COL26A1: variants seen among roughly 807,000 people sequenced by gnomAD.
COL26A1 encodes collagen type XXVI alpha 1 chain.
In COL26A1, 41 loss-of-function variants were observed where a neutral mutation model predicts 59.3. The ratio of observed to expected loss-of-function variants is 0.69; its 90% CI spans 0.54 to 0.90. The LOEUF is 0.90. Among genes scored for constraint, COL26A1 ranks in the 40% least tolerant of loss-of-function variants. The pLI, the probability that COL26A1 is intolerant of heterozygous loss-of-function variation, is 0.00. For missense variants in COL26A1, 612 were observed against 602.3 expected (o/e 1.02, Z -0.17); for synonymous variants, 266 against 256.0 (o/e 1.04, Z -0.37).
intron 3 of COL26A1, among the ~76,000 whole-genome samples, chr7:101,450,197 G>A (rs1478643272): frequency 3.9e-5 from 6 of 151,962 alleles, no homozygotes; most frequent in East Asian, 1.9e-4. Context: ...GCACAGGAGA[G>A]TTTCATGTAT....
intron 4 of COL26A1, among the ~76,000 whole-genome samples, chr7:101,533,857 T>C (rs1166263309): frequency 6.6e-6 from 1 of 152,214 alleles, no homozygotes; most frequent in Non-Finnish European, 1.5e-5. Flanking sequence ...TACCCGAGGG[T>C]ACCTCTGTCT....
chr7:101,555,902 A>C, intron 12 of COL26A1, 31 bp downstream of exon 12: 1 of 1,552,406 alleles, frequency 6.4e-7, no homozygotes, highest in African/African-American at 1.4e-5. Context: ...GCGGGCTGGG[A>C]ATCTCTCTCC....
chr7:101,436,694 G>A (rs1792923640), intron 2 of COL26A1, among the ~76,000 whole-genome samples: 1 of 151,386 alleles, frequency 6.6e-6, no homozygotes, highest in African/African-American at 2.4e-5. Context: ...TCATTTCTCC[G>A]GGGAGCCCTC....
intron 3 of COL26A1, among the ~76,000 whole-genome samples, chr7:101,475,097 G>A (rs748694950): frequency 2.0e-5 from 3 of 150,922 alleles, no homozygotes; most frequent in Non-Finnish European, 4.4e-5. Flanking sequence ...TCGGGAGGCT[G>A]AGGCAGGAGA....
chr7:101,471,567 G>GTTGTTTTTTTTTTT (rs1485332913), intron 3 of COL26A1, among the ~76,000 whole-genome samples: 8 of 112,386 alleles, frequency 7.1e-5, no homozygotes, highest in African/African-American at 2.8e-4. Context: ...TGTTGTTGTT[G>GTTGTTTTTTTTTTT]TTTGTTTTTT....
At chr7:101,397,787 C>G (rs567622068) in intron 1 of COL26A1, among the ~76,000 whole-genome samples, 15 of 152,158 alleles carry the variant, frequency 9.9e-5, no homozygotes, top group African/African-American at 3.6e-4. Flanking sequence ...GTCTTCCCAC[C>G]TCAGCCCCCC....
At chr7:101,445,034 T>G (rs997949731) in intron 2 of COL26A1, among the ~76,000 whole-genome samples, 4 of 150,808 alleles carry the variant, frequency 2.7e-5, no homozygotes, top group Admixed American at 6.6e-5. Context: ...AGAGACAGGG[T>G]TTCACCATGT....
rs969774232 is a variant in COL26A1, at chr7:101,421,717, A to G, written c.281+1618A>G. On this transcript the variant is annotated intron_variant, in intron 2 of 12. Coordinates refer to ENST00000313669, the MANE Select transcript of COL26A1 (RefSeq NM_001278563.3). The stretch of plus-strand genomic sequence containing the variant: ...TGTTAACTTTGATCGCTTGCTTATG[A>G]TGGTATCTACCAGGTTTCTCCACTG... 4.0e-5 allele frequency among the ~76,000 whole-genome samples: 6 copies of G among 151,404 alleles called. No individual in the cohort carries two copies. The South Asian group carries it at 1.3e-3, about 32-fold the overall frequency.
chr7:101,493,579 G>T (rs34942414), intron 3 of COL26A1, among the ~76,000 whole-genome samples: 1 of 151,994 alleles, frequency 6.6e-6, no homozygotes, highest in African/African-American at 2.4e-5. Context: ...AATGAGCTAT[G>T]AGGATTATCA....
Position 101,518,459 on chromosome 7 carries a change from T to A in COL26A1, c.386-14623T>A, listed in dbSNP as rs146466315. 2.1e-3 allele frequency among the ~76,000 whole-genome samples: 324 copies of A among 152,270 alleles called. 3 individuals are homozygous for A. The highest frequency in any genetic ancestry group is 7.2e-3 in the African/African-American group (298 of 41,560). ...ATTAAGACAAATTCTTTCCCAGTGA[T>A]GAAGAGCAATGGCAGCGCCAACTCC... On this transcript the variant is annotated intron_variant, in intron 3 of 12. Transcript: ENST00000313669.
chr7:101,380,316 A>G (rs10264506), intron 1 of COL26A1, among the ~76,000 whole-genome samples: 8,249 of 140,836 alleles, frequency 0.059, 555 homozygotes, highest in African/African-American at 0.16. Flanking sequence ...TTTTTTTTGA[A>G]ACAGAGTCTC....
intron 1 of COL26A1, among the ~76,000 whole-genome samples, chr7:101,418,151 C>T (rs1381287105): frequency 1.9e-4 from 29 of 152,102 alleles, no homozygotes; most frequent in Admixed American, 1.9e-3. Context: ...GAGTGTGAGC[C>T]ACCGCACTCA....
At chr7:101,391,534 T>C (rs942992236) in intron 1 of COL26A1, among the ~76,000 whole-genome samples, 4 of 152,172 alleles carry the variant, frequency 2.6e-5, no homozygotes, top group Non-Finnish European at 5.9e-5. Flanking sequence ...GAAGGAGACA[T>C]TGATCTCTGC....
At chr7:101,525,983 C>T (rs1185453122) in intron 3 of COL26A1, among the ~76,000 whole-genome samples, 1 of 152,172 alleles carries the variant, frequency 6.6e-6, no homozygotes, top group Non-Finnish European at 1.5e-5. Flanking sequence ...GGCCATGCTG[C>T]CCTCCTATTG....
intron 8 of COL26A1, 131 bp downstream of exon 8, chr7:101,547,370 C>G: frequency 3.6e-6 from 2 of 557,652 alleles, no homozygotes; most frequent in Non-Finnish European, 3.2e-6. Context: ...GGGACTGGGT[C>G]TGTCCCACCC....
intron 1 of COL26A1, among the ~76,000 whole-genome samples, chr7:101,416,739 A>AT (rs1382039437): frequency 1.4e-5 from 2 of 141,208 alleles, no homozygotes; most frequent in East Asian, 1.9e-4. Flanking sequence ...TTTTAATTTC[A>AT]TTTTTTTTGT....
chr7:101,541,805 C>T (rs1192629097), intron 5 of COL26A1, among the ~76,000 whole-genome samples: 1 of 152,140 alleles, frequency 6.6e-6, no homozygotes, highest in African/African-American at 2.4e-5. Flanking sequence ...GGTTGCCAGA[C>T]ACTGAGGTGG....
intron 4 of COL26A1, among the ~76,000 whole-genome samples, chr7:101,534,645 A>C (rs965628577): frequency 4.4e-5 from 5 of 114,144 alleles, no homozygotes; most frequent in African/African-American, 2.3e-4. Context: ...CAATGGGCAC[A>C]CATACATATA....
chr7:101,512,097 G>T (rs537910132), intron 3 of COL26A1, among the ~76,000 whole-genome samples: 3 of 152,340 alleles, frequency 2.0e-5, no homozygotes, highest in East Asian at 3.9e-4. Flanking sequence ...GAAGCAGAGG[G>T]TTTCGCTGCT....
Sources: gnomAD v4.1 joint callset for allele counts (sites outside exome capture counted in the v4.1 genomes callset) on GRCh38, gnomAD v4.1.1 for gene constraint, MANE v1.5 for transcripts, NCBI Gene and HGNC (gene_info 2026-07-23, HGNC 2026-07-21) for gene names.